PPP1R12B: variants seen among roughly 807,000 people sequenced by gnomAD.
The protein encoded by PPP1R12B is protein phosphatase 1 regulatory subunit 12B, also known as myosin phosphatase target subunit 2.
Under a neutral mutation model 126.1 loss-of-function variants are expected in PPP1R12B, and 76 were observed. That is an observed-to-expected ratio of 0.60 (90% CI 0.50 to 0.73). The LOEUF (loss-of-function observed/expected upper bound fraction) is 0.73, where lower values mean the gene tolerates loss of function less well. Among genes scored for constraint, PPP1R12B ranks in the 30% least tolerant of loss-of-function variants. PPP1R12B has a pLI of 0.00. For missense variants in PPP1R12B, 1,052 were observed against 1,205.1 expected, an observed-to-expected ratio of 0.87 and a Z score of 1.88; for synonymous variants, 356 against 434.7, an observed-to-expected ratio of 0.82 and a Z score of 2.25.
At position 202,580,687 on chromosome 1, in the gene PPP1R12B, C is replaced by A; in HGVS notation, c.*127C>A. The A allele has an allele frequency of 1.3e-6, 1 of 754,922 alleles. No homozygotes were observed. The highest frequency in any genetic ancestry group is 1.6e-5 in the South Asian group (1 of 62,208). 46.8% of individuals were successfully genotyped at this position (754,922 alleles called of 1,614,324 possible). On this transcript the variant is annotated 3_prime_UTR_variant, in exon 24 of 24. Transcript: ENST00000608999. ...TGGAAGGACACTTCTTTCTATCACC[C>A]TCTTCAGTCACCTCTATACACTCTA...
intron 1 of PPP1R12B, among the ~76,000 whole-genome samples, chr1:202,356,966 C>G (rs971550966): frequency 6.6e-6 from 1 of 151,950 alleles, no homozygotes; most frequent in African/African-American, 2.4e-5. Context: ...GGATTACAGG[C>G]GCCCACCACC....
At chr1:202,522,598 A>G (rs1441232691) in intron 18 of PPP1R12B, among the ~76,000 whole-genome samples, 1 of 152,156 alleles carries the variant, frequency 6.6e-6, no homozygotes, top group Non-Finnish European at 1.5e-5. Flanking sequence ...AATACAAAAT[A>G]AAATATGTAA....
At chr1:202,511,777 T>C (rs1473021676) in intron 18 of PPP1R12B, among the ~76,000 whole-genome samples, 1 of 148,582 alleles carries the variant, frequency 6.7e-6, no homozygotes, top group African/African-American at 2.5e-5. Context: ...CACAATTTTT[T>C]TTTTTTTTTT....
At chr1:202,415,662 G>T (rs1405232535) in intron 1 of PPP1R12B, among the ~76,000 whole-genome samples, 1 of 151,968 alleles carries the variant, frequency 6.6e-6, no homozygotes, top group African/African-American at 2.4e-5. Context: ...GTTTCTGTTT[G>T]TCTTATGGTA....
At chr1:202,471,780 A>T in intron 13 of PPP1R12B, 3 of 1,107,698 alleles carry the variant, frequency 2.7e-6, no homozygotes, top group Non-Finnish European at 3.8e-6. Flanking sequence ...GTTCTTTTTT[A>T]AAAAATGGGT....
chr1:202,559,669 A>C (rs1687320650), intron 19 of PPP1R12B, among the ~76,000 whole-genome samples: 1 of 152,230 alleles, frequency 6.6e-6, no homozygotes, highest in East Asian at 1.9e-4. Context: ...ATGGGACTAT[A>C]GGCCAAATGA....
At chr1:202,568,492 T>C (rs1688271003) in intron 22 of PPP1R12B, among the ~76,000 whole-genome samples, 2 of 152,206 alleles carry the variant, frequency 1.3e-5, no homozygotes, top group Non-Finnish European at 2.9e-5. Context: ...TTGTTGTCTG[T>C]TTAATTTGGA....
intron 4 of PPP1R12B, among the ~76,000 whole-genome samples, chr1:202,426,831 C>G (rs1281552439): frequency 6.6e-6 from 1 of 152,096 alleles, no homozygotes; most frequent in Non-Finnish European, 1.5e-5. Context: ...TATCTTATGA[C>G]TTTTTTGAGA....
At chr1:202,496,739 G>T (rs1180280725) in intron 17 of PPP1R12B, 42 bp from the exon 18 acceptor site, 11 of 1,572,874 alleles carry the variant, frequency 7.0e-6, no homozygotes, top group Non-Finnish European at 8.7e-6. Flanking sequence ...AAGGATGTCT[G>T]TGACAATGAG....
At chr1:202,541,146 G>T (rs1314931610) in intron 18 of PPP1R12B, among the ~76,000 whole-genome samples, 1 of 152,124 alleles carries the variant, frequency 6.6e-6, no homozygotes, top group East Asian at 1.9e-4. Flanking sequence ...TATATACAGA[G>T]TAAGAAGAAG....
In PPP1R12B at chr1:202,352,930, G is replaced by T. The variant is rs369111066; in HGVS notation, c.291+3788G>T. ...GAAATTCAGACTGTCTTTGTAATGT[G>T]CAGGGTCCAAATTTGGACCCTCAAG... is the stretch of plus-strand genomic sequence containing the variant. On this transcript the variant is annotated intron_variant, in intron 1 of 23. Coordinates refer to ENST00000608999, the MANE Select transcript of PPP1R12B (RefSeq NM_002481.4). Among the ~76,000 whole-genome samples, 6 of 151,864 alleles carry T rather than the reference G, an allele frequency of 4.0e-5. No individual in the cohort carries two copies. The East Asian group carries it at 5.8e-4, about 15-fold the overall frequency.
At chr1:202,445,219 A>C in intron 12 of PPP1R12B, 1 of 1,246,510 alleles carries the variant, frequency 8.0e-7, no homozygotes, top group African/African-American at 1.5e-5. Context: ...GCATCTGTAC[A>C]TCATGGCAGG....
intron 18 of PPP1R12B, among the ~76,000 whole-genome samples, chr1:202,517,716 C>T (rs1158721697): frequency 6.6e-6 from 1 of 151,922 alleles, no homozygotes; most frequent in Non-Finnish European, 1.5e-5. Flanking sequence ...ACCTCCGCCT[C>T]CCAGGTTTGA....
At chr1:202,472,200 T>C in intron 13 of PPP1R12B, 1 of 540,834 alleles carries the variant, frequency 1.8e-6, no homozygotes, top group Non-Finnish European at 3.1e-6. Context: ...AACTTACATA[T>C]ATATAGTACT....
intron 12 of PPP1R12B, among the ~76,000 whole-genome samples, chr1:202,443,374 G>A (rs976818033): frequency 6.6e-6 from 1 of 152,104 alleles, no homozygotes; most frequent in Non-Finnish European, 1.5e-5. Flanking sequence ...TAGATGATTG[G>A]TTGGCTACCT....
At chr1:202,521,607 A>G (rs1003429861) in intron 18 of PPP1R12B, among the ~76,000 whole-genome samples, 5 of 152,316 alleles carry the variant, frequency 3.3e-5, no homozygotes, top group African/African-American at 1.2e-4. Flanking sequence ...CATACTTTCT[A>G]TAGCTTAAGA....
intron 6 of PPP1R12B, 125 bp from the exon 7 acceptor site, chr1:202,430,606 C>G: frequency 6.5e-6 from 6 of 917,694 alleles, no homozygotes; most frequent in Non-Finnish European, 9.6e-6. Context: ...CTCGGGTTCC[C>G]CACTACCTCT....
intron 8 of PPP1R12B, among the ~76,000 whole-genome samples, chr1:202,433,093 A>T (rs1439715509): frequency 6.6e-6 from 1 of 152,244 alleles, no homozygotes; most frequent in Non-Finnish European, 1.5e-5. Context: ...ATTCATTGAG[A>T]CTTGAACTTC....
chr1:202,456,324 C>T (rs551809274), intron 13 of PPP1R12B, among the ~76,000 whole-genome samples: 6 of 151,546 alleles, frequency 4.0e-5, no homozygotes, highest in African/African-American at 9.7e-5. Context: ...TTTGAAAATA[C>T]GTTTAGGAGG....
Sources: allele counts gnomAD v4.1 joint callset (sites outside exome capture counted in the v4.1 genomes callset), GRCh38; gene constraint gnomAD v4.1.1; transcripts MANE v1.5; gene names NCBI Gene and HGNC (gene_info 2026-07-23, HGNC 2026-07-21).